GALNTL6: variants seen among roughly 807,000 people sequenced by gnomAD.
GALNTL6 encodes the protein polypeptide N-acetylgalactosaminyltransferase like 6, also known as polypeptide N-acetylgalactosaminyltransferase-like 6.
Under a neutral mutation model 73.7 loss-of-function variants are expected in GALNTL6, and 46 were observed. That is an observed-to-expected ratio of 0.62 (90% confidence interval 0.49 to 0.80). GALNTL6 has a LOEUF of 0.80. Among genes scored for constraint, GALNTL6 ranks in the 30% least tolerant of loss-of-function variants. The probability of loss-of-function intolerance (pLI) is 0.00; values close to 1 mark genes in which losing one functional copy is unlikely to be tolerated. For missense variants in GALNTL6, 604 were observed against 755.0 expected (o/e 0.80, Z 2.34); for synonymous variants, 259 against 263.7 (o/e 0.98, Z 0.17).
At chr4:172,762,412 A>C (rs1340070957) in intron 5 of GALNTL6, among the ~76,000 whole-genome samples, 1 of 151,908 alleles carries the variant, frequency 6.6e-6, no homozygotes. Flanking sequence ...GGGATCAAAA[A>C]ATAACTATTA....
At chr4:172,758,021 C>G (rs2110810561) in intron 5 of GALNTL6, among the ~76,000 whole-genome samples, 1 of 152,260 alleles carries the variant, frequency 6.6e-6, no homozygotes, top group Middle Eastern at 3.4e-3. Context: ...TTTCCTCCAT[C>G]CTAAACACAA....
intron 10 of GALNTL6, among the ~76,000 whole-genome samples, chr4:172,991,946 G>C (rs1298870277): frequency 6.6e-6 from 1 of 152,070 alleles, no homozygotes; most frequent in Non-Finnish European, 1.5e-5. Context: ...TAGCCAATTT[G>C]CTCACACACA....
At chr4:172,010,677 A>G (rs542183612) in intron 2 of GALNTL6, among the ~76,000 whole-genome samples, 12 of 152,202 alleles carry the variant, frequency 7.9e-5, no homozygotes, top group African/African-American at 2.6e-4. Flanking sequence ...ACTTACTAGC[A>G]ACTACTTTCC....
chr4:172,711,155 A>G (rs1216825220), intron 5 of GALNTL6, among the ~76,000 whole-genome samples: 1 of 152,188 alleles, frequency 6.6e-6, no homozygotes, highest in African/African-American at 2.4e-5. Context: ...GAATTTTAAA[A>G]CAAGTAATCA....
chr4:172,653,617 AT>A lies in GALNTL6; in HGVS notation c.554-155743del, dbSNP rs140973953. Among the ~76,000 whole-genome samples, 696 of 152,296 alleles carry A rather than the reference AT, an allele frequency of 4.6e-3. 3 individuals carry two copies. Among genetic ancestry groups the A allele is most frequent in the African/African-American group, 0.016 (655 of 41,548 alleles). On this transcript the variant is annotated intron_variant, in intron 5 of 12. Transcript: ENST00000506823. ...ATATCCGAAGAAAGAGGAAAAAAAA[AT>A]ACCTTGCTATCTTCCCCCCAACAGA... is the stretch of plus-strand genomic sequence containing the variant.
intron 2 of GALNTL6, among the ~76,000 whole-genome samples, chr4:171,961,349 A>G (rs554033101): frequency 1.2e-4 from 19 of 152,272 alleles, no homozygotes; most frequent in Non-Finnish European, 2.1e-4. Flanking sequence ...AGGAGCCACA[A>G]GTTCTCTCAG....
At chr4:172,691,484 C>G (rs1051705667) in intron 5 of GALNTL6, among the ~76,000 whole-genome samples, 1 of 152,186 alleles carries the variant, frequency 6.6e-6, no homozygotes, top group African/African-American at 2.4e-5. Flanking sequence ...TTACATGACT[C>G]AGACTCTTTA....
chr4:172,917,428 C>A (rs1421612149), intron 8 of GALNTL6, among the ~76,000 whole-genome samples: 2 of 152,122 alleles, frequency 1.3e-5, no homozygotes, highest in Non-Finnish European at 2.9e-5. Flanking sequence ...AGCTTCTGCA[C>A]AGCAAAAGAA....
intron 5 of GALNTL6, among the ~76,000 whole-genome samples, chr4:172,746,902 A>G (rs1252997405): frequency 6.6e-6 from 1 of 152,150 alleles, no homozygotes; most frequent in Non-Finnish European, 1.5e-5. Context: ...AGGATGAAGT[A>G]AAATTGTTTC....
chr4:172,168,188 G>A (rs917669640), intron 2 of GALNTL6, among the ~76,000 whole-genome samples: 23 of 152,096 alleles, frequency 1.5e-4, no homozygotes, highest in Non-Finnish European at 4.4e-5. Flanking sequence ...TGAAATCCAC[G>A]AAAAGTTTCC....
At chr4:172,377,576 G>A (rs548631538) in intron 5 of GALNTL6, among the ~76,000 whole-genome samples, 8 of 152,264 alleles carry the variant, frequency 5.3e-5, no homozygotes, top group East Asian at 3.9e-4. Flanking sequence ...ACTGGGTGCC[G>A]TGGAGCAGGG....
chr4:172,328,745 A>G (rs1388337610), intron 4 of GALNTL6, among the ~76,000 whole-genome samples: 1 of 152,094 alleles, frequency 6.6e-6, no homozygotes, highest in African/African-American at 2.4e-5. Context: ...TGGGTGTTCT[A>G]TCTTTCAGCT....
chr4:171,957,139 C>CTCT (rs1192927592), intron 2 of GALNTL6, among the ~76,000 whole-genome samples: 1 of 152,166 alleles, frequency 6.6e-6, no homozygotes, highest in Admixed American at 6.5e-5. Context: ...GGAAGGCCAT[C>CTCT]TCTGACTTTA....
At chr4:172,733,369 T>A (rs1736265516) in intron 5 of GALNTL6, among the ~76,000 whole-genome samples, 1 of 152,214 alleles carries the variant, frequency 6.6e-6, no homozygotes, top group South Asian at 2.1e-4. Flanking sequence ...CCCTTGACTT[T>A]TGAGGATTTG....
At chr4:171,936,536 C>T (rs927080002) in intron 2 of GALNTL6, among the ~76,000 whole-genome samples, 3 of 152,074 alleles carry the variant, frequency 2.0e-5, no homozygotes, top group African/African-American at 7.2e-5. Context: ...ATCAGTTAGT[C>T]TCTAGAAATT....
chr4:172,540,460 A>G (rs1004945343), intron 5 of GALNTL6, among the ~76,000 whole-genome samples: 3 of 152,110 alleles, frequency 2.0e-5, no homozygotes, highest in Non-Finnish European at 4.4e-5. Context: ...AAATAAAAAT[A>G]AATAAATAAA....
At chr4:172,371,028 TC>T (rs1430430230) in intron 5 of GALNTL6, among the ~76,000 whole-genome samples, 1 of 152,180 alleles carries the variant, frequency 6.6e-6, no homozygotes, top group African/African-American at 2.4e-5. Context: ...CCTCATTCAG[TC>T]CATATTAACT....
At chr4:172,010,065 C>T (rs941549668) in intron 2 of GALNTL6, among the ~76,000 whole-genome samples, 2 of 152,216 alleles carry the variant, frequency 1.3e-5, no homozygotes, top group South Asian at 2.1e-4. Context: ...TTCTGATTCT[C>T]TAACTTCCTA....
chr4:172,460,260 G>A (rs337049), intron 5 of GALNTL6, among the ~76,000 whole-genome samples: 136,348 of 152,258 alleles, frequency 0.9, 61,145 homozygotes, highest in African/African-American at 0.95. Flanking sequence ...CTAAAACCAT[G>A]AAAACCCTTG....
Sources: gnomAD v4.1 joint callset for allele counts (sites outside exome capture counted in the v4.1 genomes callset) on GRCh38, gnomAD v4.1.1 for gene constraint, MANE v1.5 for transcripts, NCBI Gene and HGNC (gene_info 2026-07-23, HGNC 2026-07-21) for gene names.